The following ZNF704 variants were observed in gnomAD, a reference collection of about 807,000 sequenced individuals.
ZNF704 encodes zinc finger protein 704.
ZNF704 carries 10 observed loss-of-function variants against 44.7 expected under a neutral mutation model. The ratio of observed to expected loss-of-function variants is 0.22; its 90% confidence interval spans 0.14 to 0.38. The LOEUF (loss-of-function observed/expected upper bound fraction) is 0.38, where lower values mean the gene tolerates loss of function less well. ZNF704 is among the 10% of genes least tolerant of loss of function. The pLI is 1.00. For synonymous variants in ZNF704, 211 were observed against 207.6 expected (o/e 1.02, Z -0.14); for missense variants, 390 against 545.5 (o/e 0.71, Z 2.84).
rs1302132182 is a variant in ZNF704, at chr8:80,638,270, AC to A, written c.*3095del. The A allele has an allele frequency of 6.6e-6, 1 of 151,804 alleles. No individual in the cohort carries two copies. Among genetic ancestry groups the A allele is most frequent in the African/African-American group, 2.4e-5 (1 of 41,322 alleles). 9.4% of individuals were successfully genotyped at this position (151,804 alleles called of 1,614,324 possible). A position where few individuals can be genotyped will look rare whatever the true frequency, so the allele number is the denominator to read the frequency against. On this transcript the variant is annotated 3_prime_UTR_variant, in exon 9 of 9. Coordinates refer to ENST00000327835, the MANE Select transcript of ZNF704 (RefSeq NM_001033723.3). Reference sequence around the variant, plus strand: ...TGACTTCTTTGGAGAGAGATGAAAAACCTTTTCTGAAGGCTGGGGTGTCAAA... The same window carrying A: ...TGACTTCTTTGGAGAGAGATGAAAAACTTTTCTGAAGGCTGGGGTGTCAAA...
intron 7 of ZNF704, among the ~76,000 whole-genome samples, chr8:80,647,238 A>C (rs1817847580): frequency 6.6e-6 from 1 of 152,220 alleles, no homozygotes; most frequent in Non-Finnish European, 1.5e-5. Context: ...AACAGGCTAA[A>C]GTGTAATAGA....
intron 1 of ZNF704, among the ~76,000 whole-genome samples, chr8:80,843,811 GATA>G (rs1350929249): frequency 6.6e-6 from 1 of 151,942 alleles, no homozygotes; most frequent in East Asian, 1.9e-4. Flanking sequence ...TTTCCCCAGA[GATA>G]ATAAGGAACA....
chr8:80,760,383 C>G (rs1352903322), intron 2 of ZNF704, among the ~76,000 whole-genome samples: 6 of 152,090 alleles, frequency 3.9e-5, no homozygotes, highest in Non-Finnish European at 7.4e-5. Flanking sequence ...CCTGGCCGGG[C>G]ACGGTGGCTC....
chr8:80,822,354 G>A (rs2129886604), intron 1 of ZNF704, among the ~76,000 whole-genome samples: 1 of 142,636 alleles, frequency 7.0e-6, no homozygotes, highest in Admixed American at 7.4e-5. Context: ...TCGCACCTAT[G>A]AGTGAGAACA....
intron 7 of ZNF704, among the ~76,000 whole-genome samples, chr8:80,653,407 T>C (rs9773376): frequency 0.032 from 4,865 of 152,300 alleles, 281 homozygotes; most frequent in African/African-American, 0.11. Flanking sequence ...CATGATTGTA[T>C]ATCTAGAAAA....
At chr8:80,822,999 G>A (rs545194639) in intron 1 of ZNF704, among the ~76,000 whole-genome samples, 1 of 152,294 alleles carries the variant, frequency 6.6e-6, no homozygotes, top group East Asian at 1.9e-4. Flanking sequence ...AACAGCTCCA[G>A]TCTACAGCTC....
In ZNF704 at chr8:80,664,884, C is replaced by T; in HGVS notation, c.858G>A (p.Lys286=). ...CTGAGCGGCTCAACGGCGTCATCAA[C>T]TTAGTCTCCGTTTTGGCACAAGGAG... The part of the protein sequence containing the change: ...TETPCAKTET[K]LMTPLSRSAP... Residue 286 remains lysine (K), a synonymous_variant, in exon 6 of 9, where the codon AAG becomes AAA. Transcript: ENST00000327835. The T allele has an allele frequency of 6.2e-7, 1 of 1,614,190 alleles. No homozygotes were observed. The highest frequency in any genetic ancestry group is 8.5e-7 in the Non-Finnish European group (1 of 1,180,036).
In ZNF704 at chr8:80,737,052, T is replaced by G. The variant is rs547517944; in HGVS notation, c.222-43945A>C. On this transcript the variant is annotated intron_variant, in intron 2 of 8. Transcript: ENST00000327835. ...AATATCAGGGGAAGAAAAATAACAGTTTTTGAACAATAACGCTATAGTAGG... is the reference window on the plus strand; with the variant it reads ...AATATCAGGGGAAGAAAAATAACAGGTTTTGAACAATAACGCTATAGTAGG... 2.5e-4 allele frequency among the ~76,000 whole-genome samples: 38 copies of G among 152,078 alleles called. 1 individual carries two copies. The highest frequency in any genetic ancestry group is 9.8e-4 in the Admixed American group (15 of 15,278).
At chr8:80,656,162 G>A (rs1243196018) in intron 7 of ZNF704, among the ~76,000 whole-genome samples, 2 of 152,156 alleles carry the variant, frequency 1.3e-5, no homozygotes, top group Non-Finnish European at 2.9e-5. Flanking sequence ...GCCCTGGCAT[G>A]TGCTTGTGCT....
intron 6 of ZNF704, among the ~76,000 whole-genome samples, chr8:80,660,084 A>AAATTCTTAGCACAAG (rs1792025951): frequency 6.6e-6 from 1 of 152,192 alleles, no homozygotes. Flanking sequence ...ATACATATAA[A>AAATTCTTAGCACAAG]AATTCTTAGC....
intron 2 of ZNF704, among the ~76,000 whole-genome samples, chr8:80,787,631 C>A (rs2129733600): frequency 6.6e-6 from 1 of 152,206 alleles, no homozygotes; most frequent in Middle Eastern, 3.4e-3. Flanking sequence ...TCTTTTTTAA[C>A]AGTGAGGCGA....
At chr8:80,698,994 G>A (rs894101639) in intron 2 of ZNF704, among the ~76,000 whole-genome samples, 1 of 152,038 alleles carries the variant, frequency 6.6e-6, no homozygotes, top group Non-Finnish European at 1.5e-5. Context: ...GACATTTATC[G>A]GCAATTAAAG....
intron 2 of ZNF704, among the ~76,000 whole-genome samples, chr8:80,766,788 T>C (rs906989262): frequency 3.9e-5 from 6 of 152,044 alleles, no homozygotes; most frequent in Admixed American, 1.3e-4. Context: ...TCTCGGCTCA[T>C]TGCAACCTTT....
intron 2 of ZNF704, chr8:80,812,523 C>T (rs1026954265): frequency 6.5e-6 from 1 of 152,680 alleles, no homozygotes; most frequent in Non-Finnish European, 1.5e-5. Context: ...CCTTTTCTCC[C>T]AACAAGTTTG....
intron 1 of ZNF704, among the ~76,000 whole-genome samples, chr8:80,841,390 C>T (rs1030723842): frequency 6.6e-6 from 1 of 152,144 alleles, no homozygotes; most frequent in African/African-American, 2.4e-5. Flanking sequence ...CCATATGTTT[C>T]TGCATTTCTT....
At chr8:80,767,009 G>A (rs1416178318) in intron 2 of ZNF704, among the ~76,000 whole-genome samples, 4 of 152,000 alleles carry the variant, frequency 2.6e-5, no homozygotes, top group Admixed American at 2.0e-4. Context: ...CACTGAACCC[G>A]GCGCGTGACT....
At chr8:80,646,085 T>C (rs907969783) in intron 7 of ZNF704, among the ~76,000 whole-genome samples, 4 of 152,158 alleles carry the variant, frequency 2.6e-5, no homozygotes, top group African/African-American at 9.7e-5. Flanking sequence ...ATGTTGGACT[T>C]CCCCGCCTCC....
chr8:80,856,663 A>T (rs1808966919), intron 1 of ZNF704, among the ~76,000 whole-genome samples: 1 of 152,152 alleles, frequency 6.6e-6, no homozygotes, highest in Non-Finnish European at 1.5e-5. Context: ...TGCCTTTGTC[A>T]AACCATTTCT....
At chr8:80,822,585 T>C (rs1380119853) in intron 1 of ZNF704, among the ~76,000 whole-genome samples, 2 of 152,336 alleles carry the variant, frequency 1.3e-5, no homozygotes, top group Non-Finnish European at 1.5e-5. Context: ...CTGGGTCATA[T>C]GGTATTTCTA....
Sources: gnomAD v4.1 joint callset for allele counts (sites outside exome capture counted in the v4.1 genomes callset) on GRCh38, gnomAD v4.1.1 for gene constraint, MANE v1.5 for transcripts, NCBI Gene and HGNC (gene_info 2026-07-23, HGNC 2026-07-21) for gene names.